LARGE1: variants seen among roughly 807,000 people sequenced by gnomAD.
The protein encoded by LARGE1 is xylosyl- and glucuronyltransferase LARGE1.
LARGE1 carries 43 observed loss-of-function variants against 87.6 expected under a neutral mutation model. The ratio of observed to expected loss-of-function variants is 0.49; its 90% CI spans 0.38 to 0.63. The LOEUF (loss-of-function observed/expected upper bound fraction) is 0.63. LARGE1 is among the 30% of genes least tolerant of loss of function. The probability of loss-of-function intolerance (pLI) is 0.00; values close to 1 mark genes in which losing one functional copy is unlikely to be tolerated. For synonymous variants in LARGE1, 434 were observed against 394.6 expected (o/e 1.10, Z -1.18); for missense variants, 802 against 1,000.2 (o/e 0.80, Z 2.67).
chr22:33,895,517 A>G (rs901683228), intron 1 of LARGE1, among the ~76,000 whole-genome samples: 3 of 152,174 alleles, frequency 2.0e-5, no homozygotes, highest in Non-Finnish European at 4.4e-5. Flanking sequence ...AGGTGTCCCC[A>G]GGGAGCTCTG....
At chr22:33,482,674 G>A (rs867381187) in intron 6 of LARGE1, among the ~76,000 whole-genome samples, 2 of 151,914 alleles carry the variant, frequency 1.3e-5, no homozygotes, top group African/African-American at 2.4e-5. Context: ...AAACCTGCAC[G>A]TTCTGCACAT....
rs146912504 is a variant in LARGE1 at position 33,802,926 on chromosome 22, T to A, written c.-82-41368A>T. 3.8e-3 allele frequency among the ~76,000 whole-genome samples: 578 copies of A among 152,148 alleles called. 2 individuals carry two copies. Among genetic ancestry groups the A allele is most frequent in the African/African-American group, 0.012 (501 of 41,536 alleles). On this transcript the variant is annotated intron_variant, in intron 1 of 14. Coordinates refer to ENST00000397394, the MANE Select transcript of LARGE1 (RefSeq NM_133642.5). The stretch of plus-strand genomic sequence containing the variant: ...CTAACACATAATCAAAGCTCATGAA[T>A]GTAACAAGCTGCCTGGCAAGGCTGG...
chr22:33,820,849 A>C (rs2086795460), intron 1 of LARGE1, among the ~76,000 whole-genome samples: 2 of 152,068 alleles, frequency 1.3e-5, no homozygotes, highest in Admixed American at 6.6e-5. Context: ...CAGGAGACAC[A>C]TGCTGTCTAA....
intron 3 of LARGE1, among the ~76,000 whole-genome samples, chr22:33,628,524 C>T (rs1177471258): frequency 1.3e-5 from 2 of 152,044 alleles, no homozygotes; most frequent in Non-Finnish European, 2.9e-5. Context: ...CCATGTTGGT[C>T]AGGCTGGTCT....
intron 1 of LARGE1, among the ~76,000 whole-genome samples, chr22:33,865,361 G>T (rs1443720360): frequency 2.6e-5 from 4 of 152,154 alleles, no homozygotes; most frequent in African/African-American, 4.8e-5. Context: ...TTGTTTTCAT[G>T]ACAGAACATC....
chr22:33,666,818 C>T (rs1312432118), intron 2 of LARGE1, among the ~76,000 whole-genome samples: 2 of 152,114 alleles, frequency 1.3e-5, no homozygotes, highest in Non-Finnish European at 2.9e-5. Flanking sequence ...TTAAGTGAAA[C>T]TTGGGGCTTG....
Position 33,857,893 on chromosome 22 carries a change from G to A in LARGE1, c.-83+62102C>T, listed in dbSNP as rs924536000. On this transcript the variant is annotated intron_variant, in intron 1 of 14. Coordinates refer to ENST00000397394, the MANE Select transcript of LARGE1 (RefSeq NM_133642.5). Reference sequence around the variant, plus strand: ...TTGACCCAGCAATCCCATTGTTACCGGGGTTCCTTGCTCCCAAGTTGGAAC... The same window carrying A: ...TTGACCCAGCAATCCCATTGTTACCAGGGTTCCTTGCTCCCAAGTTGGAAC... Among the ~76,000 whole-genome samples the A allele has an allele frequency of 3.9e-5, 6 of 152,178 alleles. No individual in the cohort carries two copies. In the East Asian group the frequency reaches 9.6e-4, roughly 24 times the overall value.
intron 5 of LARGE1, among the ~76,000 whole-genome samples, chr22:33,602,621 C>CA (rs1389122256): frequency 2.0e-5 from 3 of 152,152 alleles, no homozygotes; most frequent in African/African-American, 7.2e-5. Flanking sequence ...CCCCTGCCCT[C>CA]AGCCTCCAGA....
intron 7 of LARGE1, among the ~76,000 whole-genome samples, chr22:33,391,764 CCTTTTTTT>C (rs2065531468): frequency 2.1e-5 from 3 of 141,876 alleles, no homozygotes; most frequent in Non-Finnish European, 1.5e-5. Context: ...TTTCCTTTTT[CCTTTTTTT>C]TTTTTTTTTT....
chr22:33,869,136 C>T lies in LARGE1; in HGVS notation c.-83+50859G>A, dbSNP rs540254041. ...GAAATCCAACTTTCTGATCAATGCT[C>T]ATCATTCTGGCCCTCTCTTACCCTT... On this transcript the variant is annotated intron_variant, in intron 1 of 14. Transcript: ENST00000397394. 5.9e-5 allele frequency among the ~76,000 whole-genome samples: 9 copies of T among 152,310 alleles called. No individual in the cohort carries two copies. The South Asian group carries it at 1.7e-3, about 28-fold the overall frequency.
the LARGE1 span, among the ~76,000 whole-genome samples, chr22:33,103,341 G>T: frequency 6.9e-6 from 1 of 145,762 alleles, no homozygotes; most frequent in African/African-American, 2.5e-5. Context: ...GCTGAGGCAG[G>T]AGAATGGCAT....
intron 6 of LARGE1, among the ~76,000 whole-genome samples, chr22:33,445,350 G>A (rs899166187): frequency 3.3e-5 from 5 of 152,232 alleles, no homozygotes; most frequent in Admixed American, 6.5e-5. Context: ...TTGTGGAACT[G>A]TGACTCAGAA....
intron 6 of LARGE1, among the ~76,000 whole-genome samples, chr22:33,559,436 C>T (rs774344064): frequency 1.2e-4 from 19 of 152,228 alleles, no homozygotes; most frequent in Admixed American, 3.3e-4. Flanking sequence ...CCCCCCTCGG[C>T]CTCCCAAAGT....
At chr22:33,483,136 A>G (rs928133587) in intron 6 of LARGE1, among the ~76,000 whole-genome samples, 5 of 152,124 alleles carry the variant, frequency 3.3e-5, no homozygotes, top group Non-Finnish European at 7.4e-5. Flanking sequence ...AATCTTTTCA[A>G]AAGTCTTGGC....
At chr22:33,546,756 G>A (rs1250437896) in intron 6 of LARGE1, among the ~76,000 whole-genome samples, 2 of 152,056 alleles carry the variant, frequency 1.3e-5, no homozygotes, top group Non-Finnish European at 2.9e-5. Context: ...ACTAATTTTT[G>A]TATTTTTAGT....
intron 7 of LARGE1, among the ~76,000 whole-genome samples, chr22:33,428,006 G>A (rs2066938195): frequency 6.6e-6 from 1 of 152,304 alleles, no homozygotes; most frequent in Middle Eastern, 3.4e-3. Flanking sequence ...GATATAAAAA[G>A]CTAACCTTTT....
chr22:33,209,371 A>G (rs1244928403), intron 11 of LARGE1, among the ~76,000 whole-genome samples: 3 of 152,186 alleles, frequency 2.0e-5, no homozygotes, highest in African/African-American at 7.2e-5. Context: ...CTTCACAGTG[A>G]TAGTATATTA....
At chr22:33,455,780 A>AAAAAAAAAG (rs398036949) in intron 6 of LARGE1, among the ~76,000 whole-genome samples, 1 of 151,022 alleles carries the variant, frequency 6.6e-6, no homozygotes, top group African/African-American at 2.4e-5. Context: ...AAAAAAAAAA[A>AAAAAAAAAG]TTGCTATTGG....
intron 1 of LARGE1, among the ~76,000 whole-genome samples, chr22:33,780,120 G>A (rs560760445): frequency 1.2e-4 from 19 of 152,262 alleles, no homozygotes; most frequent in African/African-American, 3.1e-4. Flanking sequence ...CAACCTTCAC[G>A]CGACATTGTG....
Sources: gnomAD v4.1 joint callset for allele counts (sites outside exome capture counted in the v4.1 genomes callset) on GRCh38, gnomAD v4.1.1 for gene constraint, MANE v1.5 for transcripts, NCBI Gene and HGNC (gene_info 2026-07-23, HGNC 2026-07-21) for gene names.